Variants in NUP214 observed in about 807,000 individuals in gnomAD.
The protein encoded by NUP214 is nuclear pore complex protein Nup214.
In NUP214, 79 loss-of-function variants were observed where a neutral mutation model predicts 196.2. The ratio of observed to expected loss-of-function variants is 0.40; its 90% CI spans 0.34 to 0.49. The LOEUF is 0.49. Ranked by LOEUF, NUP214 falls within the 20% of genes least tolerant of loss-of-function variation. The pLI is 0.58. For synonymous variants in NUP214, 1,020 were observed against 990.5 expected (o/e 1.03, Z -0.56); for missense variants, 2,468 against 2,539.0 (o/e 0.97, Z 0.60).
intron 30 of NUP214, 123 bp downstream of exon 30, chr9:131,201,840 T>G (rs747028992): frequency 9.9e-6 from 8 of 811,556 alleles, no homozygotes; most frequent in Admixed American, 2.0e-5. Context: ...GTGTGGTTCT[T>G]AAGCTGTACT....
rs1046143145 is a variant in NUP214, at chr9:131,162,215, G to A, written c.2541-776G>A. Among the ~76,000 whole-genome samples, 4 of 152,136 alleles carry A rather than the reference G, an allele frequency of 2.6e-5. No individual in the cohort carries two copies. In the East Asian group the frequency reaches 5.8e-4, roughly 22 times the overall value. On this transcript the variant is annotated intron_variant, in intron 18 of 35. Coordinates refer to ENST00000359428, the MANE Select transcript of NUP214 (RefSeq NM_005085.4). ...TCTACTGTAATCTTATAGGATCATCGTTGTATATGCAGTCCATCATTGACC... is the reference window on the plus strand; with the variant it reads ...TCTACTGTAATCTTATAGGATCATCATTGTATATGCAGTCCATCATTGACC...
chr9:131,187,469 C>T, intron 25 of NUP214, 105 bp downstream of exon 25: 1 of 785,420 alleles, frequency 1.3e-6, no homozygotes, highest in South Asian at 1.6e-5. Flanking sequence ...TCACCGCAAC[C>T]TCTGCCTCCT....
At position 131,139,340 on chromosome 9, in the gene NUP214, C is replaced by T; in HGVS notation, c.1065C>T (p.Asp355=). 2 of 1,575,622 alleles carry T rather than the reference C, an allele frequency of 1.3e-6. No homozygotes were observed. Among genetic ancestry groups the T allele is most frequent in the Non-Finnish European group, 1.7e-6 (2 of 1,162,102 alleles). Residue 355 remains aspartate, a synonymous_variant, in exon 10 of 36, where the codon GAC becomes GAT. Transcript: ENST00000359428. ...DSSRAELPVT[D]KSDDSLPMGV... is the part of the protein sequence containing the mutation. ...GTCGAGCTGAATTGCCTGTGACAGA[C>T]AAGAGTGATGACTCCTTGCCCATGG... is the stretch of plus-strand genomic sequence containing the variant.
rs1472838749 is a variant in NUP214 at position 131,144,723 on chromosome 9, A to C, written c.1738A>C (p.Thr580Pro). 3 of 1,609,920 alleles carry C rather than the reference A, an allele frequency of 1.9e-6. No homozygotes were observed. The highest frequency in any genetic ancestry group is 2.5e-6 in the Non-Finnish European group (3 of 1,178,234). The change falls in exon 12 of 36, where the codon ACC becomes CCC. Residue 580 changes from threonine (T) to proline (P), a missense_variant. Transcript: ENST00000359428. ...AATGAAGCCCTCCTTCCCACCCTCA[A>C]CCTCTGCTGTCAAAGTCAACCTTAG... ...IAMKPSFPPS[T>P]SAVKVNLSEK...
Position 131,139,422 on chromosome 9 carries a change from G to A in NUP214, c.1132+15G>A. On this transcript the variant is annotated intron_variant, in intron 10 of 35. Coordinates refer to ENST00000359428, the MANE Select transcript of NUP214 (RefSeq NM_005085.4). ...AATCACCATCAGTAAGTGTAGCCTG[G>A]TAGTTAGTGCAGAAATAGTCTTCTT... is the stretch of plus-strand genomic sequence containing the variant. The A allele has an allele frequency of 6.2e-7, 1 of 1,600,460 alleles. No homozygotes were observed. Among genetic ancestry groups the A allele is most frequent in the Non-Finnish European group, 8.5e-7 (1 of 1,175,900 alleles).
chr9:131,141,354 C>T (rs952010471), intron 11 of NUP214, among the ~76,000 whole-genome samples: 3 of 151,538 alleles, frequency 2.0e-5, no homozygotes, highest in Non-Finnish European at 4.4e-5. Flanking sequence ...TGAGAGCATG[C>T]AAAACAATGG....
intron 21 of NUP214, among the ~76,000 whole-genome samples, chr9:131,169,295 A>C (rs1832887071): frequency 6.6e-6 from 1 of 151,922 alleles, no homozygotes; most frequent in Non-Finnish European, 1.5e-5. Context: ...CAGACTCCCA[A>C]AGTGCTCGGA....
chr9:131,210,632 A>C (rs924305863), intron 30 of NUP214, among the ~76,000 whole-genome samples: 1 of 152,160 alleles, frequency 6.6e-6, no homozygotes, highest in African/African-American at 2.4e-5. Context: ...ATCTCAAAAA[A>C]AAAAACAAAA....
intron 9 of NUP214, among the ~76,000 whole-genome samples, chr9:131,138,609 T>C (rs1268933363): frequency 6.6e-6 from 1 of 152,188 alleles, no homozygotes; most frequent in Non-Finnish European, 1.5e-5. Context: ...ATGTTAGTGA[T>C]TTTAAAAACC....
rs1388358876 is a variant in NUP214 at position 131,163,001 on chromosome 9, G to A, written c.2551G>A (p.Val851Met). Residue 851 changes from valine to methionine, a missense_variant, in exon 19 of 36, where the codon GTG (valine) becomes ATG (methionine). This residue lies in a region of NUP214 where 1,801 missense variants were observed against 1,779.4 expected (regional missense o/e 1.01). Transcript: ENST00000359428. ...EQKKKQRHLL[V>M]PERETLFNTL... The stretch of plus-strand genomic sequence containing the variant: ...CATTGTTGTCAACAGGCACCTGCTT[G>A]TGCCAGAGCGAGAGACACTGTTTAA... 1 of 1,613,968 alleles carries A rather than the reference G, an allele frequency of 6.2e-7. No homozygotes were observed. The highest frequency in any genetic ancestry group is 1.3e-5 in the African/African-American group (1 of 74,890).
intron 24 of NUP214, among the ~76,000 whole-genome samples, chr9:131,179,905 T>C (rs1833224253): frequency 6.6e-6 from 1 of 152,234 alleles, no homozygotes; most frequent in Non-Finnish European, 1.5e-5. Context: ...TTGGGAATTG[T>C]AGCCAGATTC....
At chr9:131,133,017 C>T in intron 6 of NUP214, 89 bp from the exon 7 acceptor site, 2 of 932,854 alleles carry the variant, frequency 2.1e-6, no homozygotes, top group South Asian at 1.4e-5. Flanking sequence ...TTTTTTTTAT[C>T]CATAGTGGCT....
chr9:131,156,719 A>C (rs1443948160), intron 17 of NUP214, among the ~76,000 whole-genome samples: 1 of 151,892 alleles, frequency 6.6e-6, no homozygotes, highest in Non-Finnish European at 1.5e-5. Context: ...CAGATCTAGG[A>C]CCTTTTTGGA....
intron 35 of NUP214, 53 bp from the exon 36 acceptor site, chr9:131,233,401 A>G: frequency 2.6e-6 from 4 of 1,523,372 alleles, no homozygotes; most frequent in Non-Finnish European, 3.6e-6. Flanking sequence ...AGAGCCTGTG[A>G]CTGCTCTGTG....
At chr9:131,225,241 C>T (rs561543011) in intron 32 of NUP214, among the ~76,000 whole-genome samples, 124 of 151,872 alleles carry the variant, frequency 8.2e-4, no homozygotes, top group African/African-American at 2.9e-3. Context: ...GGCAAAAACC[C>T]GTCTCTACAA....
chr9:131,199,677 G>A (rs1242401190), intron 29 of NUP214, among the ~76,000 whole-genome samples: 1 of 152,098 alleles, frequency 6.6e-6, no homozygotes, highest in African/African-American at 2.4e-5. Context: ...AATAAGCAAG[G>A]CAATTTGAAA....
intron 29 of NUP214, among the ~76,000 whole-genome samples, chr9:131,201,199 T>C (rs1833928523): frequency 6.6e-6 from 1 of 151,284 alleles, no homozygotes; most frequent in Non-Finnish European, 1.5e-5. Flanking sequence ...CTGGGTGCGG[T>C]GGCCCACACC....
intron 9 of NUP214, 44 bp from the exon 10 acceptor site, chr9:131,139,236 CT>C: frequency 5.1e-6 from 7 of 1,379,134 alleles, no homozygotes; most frequent in Non-Finnish European, 9.3e-7. Flanking sequence ...ATGGCTTTTT[CT>C]TTTTTCTTCT....
At chr9:131,132,542 G>A (rs766038251) in intron 5 of NUP214, 54 bp from the exon 6 acceptor site, 31 of 1,455,594 alleles carry the variant, frequency 2.1e-5, no homozygotes, top group Non-Finnish European at 2.8e-5. Flanking sequence ...CAGTTTGATT[G>A]GTTTAGGATT....
Sources: gnomAD v4.1 joint callset for allele counts (sites outside exome capture counted in the v4.1 genomes callset) on GRCh38, gnomAD v4.1.1 for gene constraint, gnomAD v4.1.1 regional missense constraint, MANE v1.5 for transcripts, NCBI Gene and HGNC (gene_info 2026-07-23, HGNC 2026-07-21) for gene names.